Variants in ROBO2 observed in about 807,000 individuals in gnomAD.
The protein encoded by ROBO2 is roundabout guidance receptor 2.
A neutral mutation model predicts 160.8 loss-of-function variants in ROBO2; 53 were observed. The observed-to-expected ratio is 0.33, with a 90% CI of 0.26 to 0.41. The LOEUF is 0.41. Among genes scored for constraint, ROBO2 ranks in the 10% least tolerant of loss-of-function variants. The pLI, the probability that ROBO2 is intolerant of heterozygous loss-of-function variation, is 1.00. For synonymous variants in ROBO2, 664 were observed against 611.7 expected (o/e 1.09, Z -1.26); for missense variants, 1,577 against 1,722.4 (o/e 0.92, Z 1.49).
intron 2 of ROBO2, among the ~76,000 whole-genome samples, chr3:76,429,760 A>G (rs1234979300): frequency 1.3e-5 from 2 of 152,136 alleles, no homozygotes; most frequent in African/African-American, 4.8e-5. Flanking sequence ...TATGACTATA[A>G]ATCAGGGGGC....
intron 1 of ROBO2, among the ~76,000 whole-genome samples, chr3:75,922,712 A>G (rs1376597828): frequency 1.3e-5 from 2 of 152,134 alleles, no homozygotes; most frequent in Non-Finnish European, 2.9e-5. Context: ...TATCCATGTT[A>G]TAAGTAAATA....
chr3:77,598,492 T>C (rs531430002), intron 19 of ROBO2, among the ~76,000 whole-genome samples: 13 of 140,102 alleles, frequency 9.3e-5, no homozygotes, highest in Admixed American at 5.4e-4. Flanking sequence ...AGTGTGTATA[T>C]ATATATATAT....
intron 2 of ROBO2, among the ~76,000 whole-genome samples, chr3:76,379,885 C>A (rs1360156913): frequency 6.6e-6 from 1 of 152,058 alleles, no homozygotes; most frequent in African/African-American, 2.4e-5. Flanking sequence ...TTTAACTATT[C>A]CTGATTTAAA....
At chr3:76,021,143 A>T (rs1400038997) in intron 2 of ROBO2, among the ~76,000 whole-genome samples, 1 of 151,818 alleles carries the variant, frequency 6.6e-6, no homozygotes, top group Non-Finnish European at 1.5e-5. Context: ...AAGAAGGGTA[A>T]CAGTGTGAAT....
At chr3:77,028,467 G>A (rs2063109075) in intron 2 of ROBO2, among the ~76,000 whole-genome samples, 1 of 152,138 alleles carries the variant, frequency 6.6e-6, no homozygotes, top group Admixed American at 6.5e-5. Flanking sequence ...TGTAGTCCCA[G>A]CACTTTGGGA....
At chr3:77,428,519 G>A (rs2153539309) in intron 2 of ROBO2, among the ~76,000 whole-genome samples, 1 of 150,832 alleles carries the variant, frequency 6.6e-6, no homozygotes, top group Middle Eastern at 3.4e-3. Context: ...ACCGCGCCCG[G>A]CTAATTTTTT....
intron 2 of ROBO2, among the ~76,000 whole-genome samples, chr3:76,538,030 C>T (rs554918429): frequency 4.6e-5 from 7 of 152,114 alleles, no homozygotes; most frequent in Admixed American, 1.3e-4. Flanking sequence ...ACTGGGGTTT[C>T]ACTTCTTCTG....
At chr3:77,492,539 T>C (rs548582758) in intron 4 of ROBO2, among the ~76,000 whole-genome samples, 1 of 151,454 alleles carries the variant, frequency 6.6e-6, no homozygotes, top group Non-Finnish European at 1.5e-5. Flanking sequence ...ATAAAAAACA[T>C]AAAATTAAGT....
At chr3:77,241,334 A>G (rs2089006709) in intron 2 of ROBO2, among the ~76,000 whole-genome samples, 1 of 152,244 alleles carries the variant, frequency 6.6e-6, no homozygotes, top group Admixed American at 6.5e-5. Context: ...ATTACCTGTG[A>G]AAATTACAAT....
At chr3:76,211,486 T>C (rs1271258028) in intron 2 of ROBO2, among the ~76,000 whole-genome samples, 2 of 152,050 alleles carry the variant, frequency 1.3e-5, no homozygotes, top group East Asian at 1.9e-4. Flanking sequence ...TTAGAGATTA[T>C]ATATAGGAAA....
intron 2 of ROBO2, among the ~76,000 whole-genome samples, chr3:76,123,084 A>G (rs960678039): frequency 6.6e-6 from 1 of 152,028 alleles, no homozygotes; most frequent in African/African-American, 2.4e-5. Context: ...TGGAACTTTC[A>G]CAGCTCAGTT....
chr3:76,868,700 G>A (rs999059093), intron 2 of ROBO2, among the ~76,000 whole-genome samples: 3 of 151,948 alleles, frequency 2.0e-5, no homozygotes, highest in Non-Finnish European at 2.9e-5. Flanking sequence ...TGAAGGGAAA[G>A]TATCCAGTCT....
intron 1 of ROBO2, among the ~76,000 whole-genome samples, chr3:77,050,427 C>G (rs913579124): frequency 6.6e-6 from 1 of 152,010 alleles, no homozygotes; most frequent in South Asian, 2.1e-4. Flanking sequence ...CATGGGTTAG[C>G]GTAGAAACTG....
chr3:76,115,009 G>C (rs958053832), intron 2 of ROBO2, among the ~76,000 whole-genome samples: 1 of 152,106 alleles, frequency 6.6e-6, no homozygotes, highest in African/African-American at 2.4e-5. Context: ...TGATAGTTCC[G>C]GGATTTCATT....
At chr3:76,809,099 A>G (rs2064965355) in intron 2 of ROBO2, among the ~76,000 whole-genome samples, 3 of 152,198 alleles carry the variant, frequency 2.0e-5, no homozygotes, top group African/African-American at 7.2e-5. Flanking sequence ...TTAATAAATT[A>G]TCATATACTT....
Position 76,113,309 on chromosome 3 carries a change from G to T in ROBO2, c.109+175707G>T, listed in dbSNP as rs539498314. On this transcript the variant is annotated intron_variant, in intron 2 of 26. Transcript: ENST00000487694. ...CCCAATTATTTCTAAAATAATGGTG[G>T]ATAAGTTCAATTACTATAAAAATCT... Among the ~76,000 whole-genome samples the T allele has an allele frequency of 2.9e-4, 44 of 152,160 alleles. 1 individual carries two copies. In the South Asian group the frequency reaches 8.9e-3, roughly 31 times the overall value.
intron 2 of ROBO2, among the ~76,000 whole-genome samples, chr3:76,285,580 C>G (rs540162908): frequency 6.6e-6 from 1 of 151,706 alleles, no homozygotes; most frequent in East Asian, 1.9e-4. Context: ...TTTTTAAAAT[C>G]GAATGTTCTT....
intron 2 of ROBO2, among the ~76,000 whole-genome samples, chr3:77,017,581 G>T (rs1367159017): frequency 2.0e-5 from 3 of 152,162 alleles, no homozygotes; most frequent in Non-Finnish European, 4.4e-5. Context: ...CACAAGAAAA[G>T]ACTTCTAGGG....
At chr3:76,210,697 T>C (rs1206081407) in intron 2 of ROBO2, among the ~76,000 whole-genome samples, 1 of 152,132 alleles carries the variant, frequency 6.6e-6, no homozygotes. Flanking sequence ...AAATGTGCTT[T>C]ATTTTCAGTA....
Sources: allele counts gnomAD v4.1 joint callset (sites outside exome capture counted in the v4.1 genomes callset), GRCh38; gene constraint gnomAD v4.1.1; transcripts MANE v1.5; gene names NCBI Gene and HGNC (gene_info 2026-07-23, HGNC 2026-07-21).